Variants in SLC6A9 observed in about 807,000 individuals in gnomAD.
The protein encoded by SLC6A9 is solute carrier family 6 member 9.
Under a neutral mutation model 70.9 loss-of-function variants are expected in SLC6A9, and 31 were observed. The ratio of observed to expected loss-of-function variants is 0.44; its 90% confidence interval spans 0.33 to 0.59. SLC6A9 has a LOEUF of 0.59. Ranked by LOEUF, SLC6A9 falls within the 20% of genes least tolerant of loss-of-function variation. The pLI is 0.04. For missense variants in SLC6A9, 631 were observed against 845.2 expected (o/e 0.75, Z 3.14); for synonymous variants, 310 against 341.3 (o/e 0.91, Z 1.01).
Position 44,024,311 on chromosome 1 carries a change from C to G in SLC6A9, c.-34G>C. ...TGGGTTGGGGCTCTGGTGACGGGGA[C>G]CACACTCACAGGCTCTGCTTCCAGC... On this transcript the variant is annotated 5_prime_UTR_variant, in exon 2 of 14. Coordinates refer to ENST00000372310, the MANE Select transcript of SLC6A9 (RefSeq NM_001024845.3). 1 of 1,613,726 alleles carries G rather than the reference C, an allele frequency of 6.2e-7. No homozygotes were observed. Among genetic ancestry groups the G allele is most frequent in the Middle Eastern group, 1.6e-4 (1 of 6,062 alleles).
intron 3 of SLC6A9, chr1:44,010,424 A>C: frequency 2.9e-6 from 1 of 345,666 alleles, no homozygotes. Context: ...GGGCTGCTGA[A>C]CCCCAGGGAA....
intron 2 of SLC6A9, among the ~76,000 whole-genome samples, chr1:44,022,197 C>T (rs2086896253): frequency 6.6e-6 from 1 of 152,244 alleles, no homozygotes; most frequent in Non-Finnish European, 1.5e-5. Flanking sequence ...GACTCTGGGA[C>T]ACTGGGAGCC....
At chr1:44,011,254 T>C (rs2086556676) in intron 2 of SLC6A9, among the ~76,000 whole-genome samples, 2 of 151,936 alleles carry the variant, frequency 1.3e-5, no homozygotes, top group Admixed American at 6.6e-5. Context: ...CTGAGCCTCA[T>C]ACCAAGCAGC....
intron 1 of SLC6A9, among the ~76,000 whole-genome samples, chr1:44,025,868 G>A (rs918185042): frequency 6.6e-6 from 1 of 152,018 alleles, no homozygotes; most frequent in Non-Finnish European, 1.5e-5. Context: ...CCTTTCTGGA[G>A]CCTTTCTTGC....
Position 43,997,634 on chromosome 1 carries a change from A to G in SLC6A9, c.1813T>C (p.Phe605Leu), listed in dbSNP as rs2085917711. Residue 605 changes from phenylalanine (F) to leucine (L), a missense_variant, in exon 14 of 14, where the codon TTC becomes CTC. Phe to Leu is a conservative substitution (Grantham distance 22). Coordinates refer to ENST00000372310, the MANE Select transcript of SLC6A9 (RefSeq NM_001024845.3). The surrounding 1 kb of genome is among the most constrained non-coding windows in gnomAD (Gnocchi z 4.4). Reference protein sequence around the residue: ...PTIAPSPEDGFEVQPLHPDKA... With the variant: ...PTIAPSPEDGLEVQPLHPDKA... Reference sequence around the variant, plus strand: ...TCCGGGTGCAGTGGCTGGACCTCGAAGCCGTCCTCAGGAGAGGGGGCTATG... The same window carrying G: ...TCCGGGTGCAGTGGCTGGACCTCGAGGCCGTCCTCAGGAGAGGGGGCTATG... The G allele has an allele frequency of 6.2e-7, 1 of 1,613,964 alleles. No individual in the cohort carries two copies. The highest frequency in any genetic ancestry group is 8.5e-7 in the Non-Finnish European group (1 of 1,179,978).
Position 43,997,233 on chromosome 1 carries a change from A to AG in SLC6A9, c.*311dup. The AG allele has an allele frequency of 2.6e-6, 1 of 380,712 alleles. No homozygotes were observed. Among genetic ancestry groups the AG allele is most frequent in the Admixed American group, 4.5e-5 (1 of 22,392 alleles). 23.6% of individuals were successfully genotyped at this position (380,712 alleles called of 1,614,324 possible). ...GAACCTCAGCTCAGGGCAGGGTATA[A>AG]GGGTATCGGAGGCCACGTAAAGCCA... On this transcript the variant is annotated 3_prime_UTR_variant, in exon 14 of 14. Coordinates refer to ENST00000372310, the MANE Select transcript of SLC6A9 (RefSeq NM_001024845.3). The surrounding 1 kb of genome is among the most constrained non-coding windows in gnomAD (Gnocchi z 4.4).
chr1:44,005,259 T>A (rs1354559395), intron 5 of SLC6A9, among the ~76,000 whole-genome samples: 1 of 151,960 alleles, frequency 6.6e-6, no homozygotes, highest in East Asian at 1.9e-4. Context: ...TAGGACCCAG[T>A]AGCAGGTATC....
chr1:44,017,368 A>AC (rs2086787020), intron 2 of SLC6A9: 3 of 828,362 alleles, frequency 3.6e-6, no homozygotes, highest in Admixed American at 1.1e-4. Context: ...TAACTGGAAC[A>AC]ACACACACAC....
chr1:44,020,366 C>T (rs1281358442), intron 2 of SLC6A9, among the ~76,000 whole-genome samples: 1 of 152,164 alleles, frequency 6.6e-6, no homozygotes, highest in Non-Finnish European at 1.5e-5. Context: ...CTGTGGTGTG[C>T]TAGGTCCTGT....
rs1290676689 is a variant in SLC6A9 at position 44,002,513 on chromosome 1, T to C, written c.857A>G (p.Lys286Arg). 12 of 1,613,964 alleles carry C rather than the reference T, an allele frequency of 7.4e-6. No homozygotes were observed. The highest frequency in any genetic ancestry group is 1.3e-5 in the African/African-American group (1 of 74,914). ...CTTCCGGTTTCCCTCACTTCCCACC[T>C]TGGCCTCCAGGATCTTGTCCCACTG... ...TPQWDKILEAKVWGDAASQIF... is the reference protein window; with the variant it reads ...TPQWDKILEARVWGDAASQIF... Residue 286 changes from lysine to arginine, a missense_variant and splice_region_variant, in exon 7 of 14, where the codon AAG becomes AGG. Transcript: ENST00000372310. This position sits in a 1 kb window ranked among gnomAD's most constrained non-coding sequence, Gnocchi z 5.5.
chr1:44,024,319 A>G lies in SLC6A9; in HGVS notation c.-42T>C, dbSNP rs2086942671. 1 of 1,612,990 alleles carries G rather than the reference A, an allele frequency of 6.2e-7. No individual in the cohort carries two copies. Among genetic ancestry groups the G allele is most frequent in the Non-Finnish European group, 8.5e-7 (1 of 1,179,046 alleles). The stretch of plus-strand genomic sequence containing the variant: ...GGCTCTGGTGACGGGGACCACACTC[A>G]CAGGCTCTGCTTCCAGCGCCTTTCA... On this transcript the variant is annotated 5_prime_UTR_variant, in exon 2 of 14. Coordinates refer to ENST00000372310, the MANE Select transcript of SLC6A9 (RefSeq NM_001024845.3).
At chr1:44,027,835 C>A (rs1004400860) in intron 1 of SLC6A9, among the ~76,000 whole-genome samples, 3 of 152,012 alleles carry the variant, frequency 2.0e-5, no homozygotes, top group African/African-American at 4.8e-5. Context: ...ATTAGCTGGG[C>A]GTGGTGGTAG....
At chr1:44,029,862 C>T (rs1003045524) in intron 1 of SLC6A9, among the ~76,000 whole-genome samples, 14 of 152,242 alleles carry the variant, frequency 9.2e-5, no homozygotes, top group Non-Finnish European at 2.9e-5. Context: ...TCACCCACTA[C>T]TCTCCAACCT....
At position 44,000,985 on chromosome 1, in the gene SLC6A9, A is replaced by G; in HGVS notation, c.1406T>C (p.Ile469Thr). The change falls in exon 11 of 14, where the codon ATC becomes ACC. Residue 469 changes from isoleucine (I) to threonine (T), a missense_variant. Ile to Thr is a moderately conservative substitution (Grantham distance 89). Coordinates refer to ENST00000372310, the MANE Select transcript of SLC6A9 (RefSeq NM_001024845.3). ...ASFSLVVISC[I>T]MCVAIMYIYG... ...GATGTACATGATGGCCACACACATG[A>G]TGCAGGAGATGACCACCAAGGAGAA... 1 of 1,591,628 alleles carries G rather than the reference A, an allele frequency of 6.3e-7. No individual in the cohort carries two copies. Among genetic ancestry groups the G allele is most frequent in the Non-Finnish European group, 8.6e-7 (1 of 1,167,360 alleles).
chr1:44,011,156 C>G (rs887755359), intron 2 of SLC6A9, among the ~76,000 whole-genome samples: 3 of 152,316 alleles, frequency 2.0e-5, no homozygotes, highest in Admixed American at 6.5e-5. Context: ...ATCCGGGAGG[C>G]GGGACACTGA....
chr1:44,025,149 T>TC (rs11413494), intron 1 of SLC6A9, among the ~76,000 whole-genome samples: 35,411 of 152,120 alleles, frequency 0.23, 9,175 homozygotes, highest in African/African-American at 0.65. Flanking sequence ...TCTTTTACCC[T>TC]CTGTGCCCAG....
rs2086102172 is a variant in SLC6A9, at chr1:44,001,463, G to C, written c.1127C>G (p.Thr376Arg). The C allele has an allele frequency of 6.2e-7, 1 of 1,614,110 alleles. No homozygotes were observed. ...CCACAGCGGGGAGATGGGAAGTAGT[G>C]TGAGGGCCTCGGGGTAAGCCACGAA... Reference protein sequence around the residue: ...LAFVAYPEALTLLPISPLWSL... With the variant: ...LAFVAYPEALRLLPISPLWSL... Residue 376 changes from threonine to arginine, a missense_variant, in exon 9 of 14, where the codon ACA (threonine) becomes AGA (arginine). Coordinates refer to ENST00000372310, the MANE Select transcript of SLC6A9 (RefSeq NM_001024845.3).
intron 2 of SLC6A9, chr1:44,017,063 G>A (rs765741351): frequency 1.3e-6 from 2 of 1,599,566 alleles, no homozygotes; most frequent in Non-Finnish European, 8.5e-7. Context: ...TGGGGAAGAG[G>A]GGGCCACAGG....
chr1:44,020,393 G>A (rs1018134556), intron 2 of SLC6A9, among the ~76,000 whole-genome samples: 1 of 152,298 alleles, frequency 6.6e-6, no homozygotes, highest in South Asian at 2.1e-4. Context: ...GGAGTACCCC[G>A]GGTATGTCGA....
Sources: gnomAD v4.1 joint callset for allele counts (sites outside exome capture counted in the v4.1 genomes callset) on GRCh38, gnomAD v4.1.1 for gene constraint, Gnocchi (gnomAD v3.1) non-coding constraint, MANE v1.5 for transcripts, NCBI Gene and HGNC (gene_info 2026-07-23, HGNC 2026-07-21) for gene names.